The following GAS7 variants were observed in gnomAD, a reference collection of about 807,000 sequenced individuals.
GAS7 encodes the protein growth arrest specific 7.
GAS7 carries 28 observed loss-of-function variants against 71.1 expected under a neutral mutation model. The observed-to-expected ratio is 0.39, with a 90% CI of 0.29 to 0.54. The LOEUF is 0.54. Ranked by LOEUF, GAS7 falls within the 20% of genes least tolerant of loss-of-function variation. The pLI is 0.62. For missense variants in GAS7, 436 were observed against 627.8 expected, an observed-to-expected ratio of 0.69 and a Z score of 3.27; for synonymous variants, 258 against 245.8, an observed-to-expected ratio of 1.05 and a Z score of -0.46.
intron 1 of GAS7, among the ~76,000 whole-genome samples, chr17:10,055,870 T>C (rs756235766): frequency 1.3e-5 from 2 of 152,208 alleles, no homozygotes; most frequent in African/African-American, 4.8e-5. Flanking sequence ...TGGAAAACAA[T>C]GCTTTACCTG....
chr17:9,980,144 A>G (rs571034259), intron 3 of GAS7, among the ~76,000 whole-genome samples: 2 of 152,190 alleles, frequency 1.3e-5, no homozygotes, highest in South Asian at 2.1e-4. Context: ...CCACCTTCCT[A>G]TCACCTCTCC....
intron 1 of GAS7, among the ~76,000 whole-genome samples, chr17:10,077,171 C>T (rs1356123082): frequency 6.6e-6 from 1 of 152,168 alleles, no homozygotes; most frequent in Non-Finnish European, 1.5e-5. Flanking sequence ...AGCCAAAGAG[C>T]CCGTTAAGAG....
At chr17:10,089,712 A>AT (rs1249250931) in intron 1 of GAS7, among the ~76,000 whole-genome samples, 2 of 135,590 alleles carry the variant, frequency 1.5e-5, no homozygotes, top group Non-Finnish European at 3.3e-5. Flanking sequence ...TTGGGGAGAA[A>AT]GGTAAGGAGG....
intron 1 of GAS7, among the ~76,000 whole-genome samples, chr17:10,048,718 G>A (rs1259069996): frequency 2.0e-5 from 3 of 152,174 alleles, no homozygotes; most frequent in Non-Finnish European, 4.4e-5. Context: ...AAAGAAATAG[G>A]AAGGTTCTGT....
In GAS7 at chr17:9,959,274, A is replaced by G; in HGVS notation, c.472-19T>C. On this transcript the variant is annotated intron_variant, in intron 4 of 13. Transcript: ENST00000432992. The surrounding 1 kb of genome is among the most constrained non-coding windows in gnomAD (Gnocchi z 5.0). ...CCAGGTTCTGGGGAGAGAGGCAAGA[A>G]ACATCGTCAAAGCTGTTCTCCATAT... The G allele has an allele frequency of 6.2e-7, 1 of 1,614,150 alleles. No individual in the cohort carries two copies. Among genetic ancestry groups the G allele is most frequent in the Non-Finnish European group, 8.5e-7 (1 of 1,179,994 alleles).
intron 1 of GAS7, among the ~76,000 whole-genome samples, chr17:10,089,442 C>T (rs372412665): frequency 6.6e-6 from 1 of 152,094 alleles, no homozygotes; most frequent in East Asian, 1.9e-4. Flanking sequence ...AAACCACCTG[C>T]TCCGGGCAAG....
At chr17:9,935,747 G>A (rs16959041) in intron 8 of GAS7, among the ~76,000 whole-genome samples, 2 of 152,178 alleles carry the variant, frequency 1.3e-5, no homozygotes, top group Non-Finnish European at 2.9e-5. Context: ...GCAAAGAAAG[G>A]TCCCCTCAGT....
chr17:9,969,633 G>T lies in GAS7; in HGVS notation c.471+44C>A. 8.5e-7 allele frequency: 1 copy of T among 1,177,684 alleles called. No homozygotes were observed. The highest frequency in any genetic ancestry group is 1.3e-6 in the Non-Finnish European group (1 of 782,576). 73.0% of individuals were successfully genotyped at this position (1,177,684 alleles called of 1,614,324 possible). A position where few individuals can be genotyped will look rare whatever the true frequency, so the allele number is the denominator to read the frequency against. On this transcript the variant is annotated intron_variant, in intron 4 of 13. Transcript: ENST00000432992. This position sits in a 1 kb window ranked among gnomAD's most constrained non-coding sequence, Gnocchi z 5.5. ...CTTTGTAATGCAGTTTCCTAGGCCT[G>T]CAGAAGCAGTGACCGCTATACCTCC...
At chr17:10,046,494 A>G (rs1200874995) in intron 1 of GAS7, among the ~76,000 whole-genome samples, 1 of 151,724 alleles carries the variant, frequency 6.6e-6, no homozygotes, top group Non-Finnish European at 1.5e-5. Flanking sequence ...ATCCCAGCAC[A>G]CTGCCCGCCT....
chr17:9,967,418 A>AC (rs140638757), intron 4 of GAS7, among the ~76,000 whole-genome samples: 6 of 151,224 alleles, frequency 4.0e-5, no homozygotes, highest in African/African-American at 1.2e-4. Context: ...TGCCAGTAGC[A>AC]CCCCCCCTCC....
intron 1 of GAS7, among the ~76,000 whole-genome samples, chr17:10,126,432 A>G (rs988758439): frequency 1.3e-5 from 2 of 151,358 alleles, no homozygotes; most frequent in African/African-American, 4.9e-5. Flanking sequence ...ACAAACACGC[A>G]GATGCACACA....
At chr17:9,922,864 T>C (rs1352686944) in intron 11 of GAS7, among the ~76,000 whole-genome samples, 2 of 152,004 alleles carry the variant, frequency 1.3e-5, no homozygotes, top group African/African-American at 4.8e-5. Flanking sequence ...TAAGGAAAAA[T>C]AAATGTCTGG....
At chr17:10,191,031 C>T (rs1285520593) in intron 1 of GAS7, among the ~76,000 whole-genome samples, 1 of 151,804 alleles carries the variant, frequency 6.6e-6, no homozygotes, top group Non-Finnish European at 1.5e-5. Context: ...CAAAACTAGC[C>T]GGGTGTGGTG....
intron 1 of GAS7, among the ~76,000 whole-genome samples, chr17:10,169,349 C>G (rs1056233248): frequency 2.6e-5 from 4 of 152,122 alleles, no homozygotes; most frequent in Non-Finnish European, 4.4e-5. Flanking sequence ...TACCTCCTTC[C>G]CTAAAACTTC....
intron 2 of GAS7, among the ~76,000 whole-genome samples, chr17:9,992,646 C>T (rs2070888944): frequency 6.8e-6 from 1 of 147,860 alleles, no homozygotes; most frequent in Non-Finnish European, 1.5e-5. Flanking sequence ...GGTACATGTG[C>T]ACAATGTGCA....
intron 5 of GAS7, among the ~76,000 whole-genome samples, chr17:9,949,761 TTCCCTTCCTCCCCTCC>T: frequency 8.3e-6 from 1 of 120,600 alleles, no homozygotes; most frequent in Non-Finnish European, 1.7e-5. Flanking sequence ...CTCTTTCTCC[TTCCCTTCCTCCCCTCC>T]TCCCTTCCTC....
At chr17:10,061,430 T>G (rs2073218642) in intron 1 of GAS7, 1 of 152,218 alleles carries the variant, frequency 6.6e-6, no homozygotes, top group African/African-American at 2.4e-5. Context: ...GGCTGGGCTC[T>G]CCTGGCCTCT....
chr17:10,028,675 G>A (rs2072533004), intron 1 of GAS7, among the ~76,000 whole-genome samples: 1 of 149,916 alleles, frequency 6.7e-6, no homozygotes. Flanking sequence ...AACAAGGCAA[G>A]TTGGTTTGAA....
chr17:9,997,240 G>A (rs537726692), intron 2 of GAS7, among the ~76,000 whole-genome samples: 13 of 145,974 alleles, frequency 8.9e-5, no homozygotes, highest in African/African-American at 3.3e-4. Flanking sequence ...TAAAGGGGCC[G>A]GGCGGGTGGG....
Sources: allele counts gnomAD v4.1 joint callset (sites outside exome capture counted in the v4.1 genomes callset), GRCh38; gene constraint gnomAD v4.1.1; non-coding constraint Gnocchi (gnomAD v3.1); transcripts MANE v1.5; gene names NCBI Gene and HGNC (gene_info 2026-07-23, HGNC 2026-07-21).